The following EML4 variants were observed in gnomAD, a reference collection of about 807,000 sequenced individuals.
EML4 encodes EMAP like 4.
Under a neutral mutation model 129.0 loss-of-function variants are expected in EML4, and 72 were observed. The observed-to-expected ratio is 0.56, with a 90% confidence interval of 0.46 to 0.68. EML4 has a LOEUF of 0.68. EML4 is among the 30% of genes least tolerant of loss of function. The pLI, the probability that EML4 is intolerant of heterozygous loss-of-function variation, is 0.00. For missense variants in EML4, 1,363 were observed against 1,190.6 expected (o/e 1.14, Z -2.13); for synonymous variants, 532 against 405.0 (o/e 1.31, Z -3.77).
At chr2:42,310,042 C>T (rs1034534844) in intron 17 of EML4, among the ~76,000 whole-genome samples, 1 of 152,062 alleles carries the variant, frequency 6.6e-6, no homozygotes, top group Non-Finnish European at 1.5e-5. Flanking sequence ...CAACTTCATT[C>T]TTTTGTATGT....
intron 1 of EML4, among the ~76,000 whole-genome samples, chr2:42,171,822 A>T (rs1670299799): frequency 6.6e-6 from 1 of 152,174 alleles, no homozygotes; most frequent in African/African-American, 2.4e-5. Flanking sequence ...TCCCCCTTGC[A>T]AGAGTAAAAC....
chr2:42,281,946 A>G (rs901119196), intron 7 of EML4, among the ~76,000 whole-genome samples: 1 of 152,140 alleles, frequency 6.6e-6, no homozygotes, highest in Non-Finnish European at 1.5e-5. Flanking sequence ...ACACTCACCA[A>G]TCCTTTCATT....
At chr2:42,303,931 T>G (rs1558593988) in intron 16 of EML4, among the ~76,000 whole-genome samples, 1 of 152,024 alleles carries the variant, frequency 6.6e-6, no homozygotes, top group Non-Finnish European at 1.5e-5. Flanking sequence ...TCTCAAAAAA[T>G]AAAAAATAGA....
At chr2:42,222,983 T>C (rs1673710673) in intron 1 of EML4, among the ~76,000 whole-genome samples, 1 of 152,064 alleles carries the variant, frequency 6.6e-6, no homozygotes, top group Non-Finnish European at 1.5e-5. Flanking sequence ...GTCTTTTTAG[T>C]AGAGATGGGG....
intron 1 of EML4, among the ~76,000 whole-genome samples, chr2:42,244,158 G>T (rs1478448678): frequency 6.8e-6 from 1 of 147,334 alleles, no homozygotes; most frequent in African/African-American, 2.5e-5. Context: ...GAGTGCAGTG[G>T]CGTGATCTCG....
chr2:42,216,944 A>G (rs1381848810), intron 1 of EML4, among the ~76,000 whole-genome samples: 2 of 152,248 alleles, frequency 1.3e-5, no homozygotes, highest in East Asian at 1.9e-4. Context: ...AGGAATAAAG[A>G]TCTACTTGGT....
intron 14 of EML4, among the ~76,000 whole-genome samples, chr2:42,301,840 TC>T (rs1303459673): frequency 6.6e-6 from 1 of 152,116 alleles, no homozygotes; most frequent in Non-Finnish European, 1.5e-5. Flanking sequence ...ATCACAACCT[TC>T]AGTTCATACT....
At chr2:42,319,983 A>T (rs981219707) in intron 19 of EML4, 1 of 152,208 alleles carries the variant, frequency 6.6e-6, no homozygotes, top group African/African-American at 2.4e-5. Context: ...TAATAAAGTA[A>T]ATCTTATAAC....
intron 1 of EML4, among the ~76,000 whole-genome samples, chr2:42,228,275 GA>G (rs968063184): frequency 5.9e-5 from 9 of 151,838 alleles, no homozygotes; most frequent in Admixed American, 3.9e-4. Flanking sequence ...TAAGAGAGTA[GA>G]AAGAATTCTC....
At chr2:42,217,145 A>G (rs985759525) in intron 1 of EML4, among the ~76,000 whole-genome samples, 2 of 152,234 alleles carry the variant, frequency 1.3e-5, no homozygotes, top group Admixed American at 6.5e-5. Context: ...ATTTAAGCAT[A>G]TTAGAAACCT....
intron 1 of EML4, among the ~76,000 whole-genome samples, chr2:42,192,905 G>A (rs1215785926): frequency 1.3e-5 from 2 of 152,106 alleles, no homozygotes; most frequent in African/African-American, 4.8e-5. Flanking sequence ...TTGCTAATCT[G>A]GAGGAGTGAT....
chr2:42,176,853 G>A (rs145387453), intron 1 of EML4, among the ~76,000 whole-genome samples: 82 of 152,182 alleles, frequency 5.4e-4, no homozygotes, highest in African/African-American at 1.9e-3. Context: ...GAGTGCAGTG[G>A]TATGATCTCA....
At chr2:42,299,177 G>C (rs1375704582) in intron 13 of EML4, among the ~76,000 whole-genome samples, 1 of 152,206 alleles carries the variant, frequency 6.6e-6, no homozygotes. Flanking sequence ...AATTGGGCAA[G>C]TTCTCCTCCA....
intron 1 of EML4, among the ~76,000 whole-genome samples, chr2:42,172,762 T>A (rs1024270309): frequency 6.6e-6 from 1 of 152,130 alleles, no homozygotes; most frequent in Non-Finnish European, 1.5e-5. Flanking sequence ...TGTATGTATA[T>A]TAAATCTCAG....
chr2:42,251,505 T>A, intron 2 of EML4, among the ~76,000 whole-genome samples: 1 of 152,226 alleles, frequency 6.6e-6, no homozygotes, highest in East Asian at 1.9e-4. Context: ...TAAGGGTACA[T>A]CTTCCTGTGA....
chr2:42,322,074 A>T (rs1669555547), intron 19 of EML4, among the ~76,000 whole-genome samples: 1 of 152,248 alleles, frequency 6.6e-6, no homozygotes, highest in Admixed American at 6.5e-5. Flanking sequence ...CACGTATCAC[A>T]GAACTATCAT....
Position 42,265,243 on chromosome 2 carries a change from G to A in EML4, c.667+512G>A, listed in dbSNP as rs549915768. Reference sequence around the variant, plus strand: ...GGGGACTATAGGCACCACCACACCCGGCTAATTTTTGGTGTTTTTTGTTTG... The same window carrying A: ...GGGGACTATAGGCACCACCACACCCAGCTAATTTTTGGTGTTTTTTGTTTG... On this transcript the variant is annotated intron_variant, in intron 6 of 22. Coordinates refer to ENST00000318522, the MANE Select transcript of EML4 (RefSeq NM_019063.5). Among the ~76,000 whole-genome samples, 8 of 152,086 alleles carry A rather than the reference G, an allele frequency of 5.3e-5. No individual in the cohort carries two copies. The South Asian group carries it at 6.2e-4, about 12-fold the overall frequency.
chr2:42,284,089 A>C (rs1434611483), intron 8 of EML4, among the ~76,000 whole-genome samples: 1 of 152,232 alleles, frequency 6.6e-6, no homozygotes, highest in East Asian at 1.9e-4. Flanking sequence ...TCCTTGCCTC[A>C]GTTTGACTTA....
chr2:42,210,553 C>T (rs1472224502), intron 1 of EML4, among the ~76,000 whole-genome samples: 1 of 152,226 alleles, frequency 6.6e-6, no homozygotes, highest in Non-Finnish European at 1.5e-5. Context: ...ACAGCCCACA[C>T]TTAAGAAGTG....
Sources: allele counts gnomAD v4.1 joint callset (sites outside exome capture counted in the v4.1 genomes callset), GRCh38; gene constraint gnomAD v4.1.1; transcripts MANE v1.5; gene names NCBI Gene and HGNC (gene_info 2026-07-23, HGNC 2026-07-21).